Variants in NCOA2 observed in about 807,000 individuals in gnomAD.
NCOA2 encodes the protein nuclear receptor coactivator 2.
Under a neutral mutation model 145.1 loss-of-function variants are expected in NCOA2, and 21 were observed. That is an observed-to-expected ratio of 0.14 (90% CI 0.10 to 0.21). The LOEUF (loss-of-function observed/expected upper bound fraction) is 0.21, where lower values mean the gene tolerates loss of function less well. Among genes scored for constraint, NCOA2 ranks in the 10% least tolerant of loss-of-function variants. The pLI, the probability that NCOA2 is intolerant of heterozygous loss-of-function variation, is 1.00. For synonymous variants in NCOA2, 619 were observed against 637.5 expected (o/e 0.97, Z 0.44); for missense variants, 1,472 against 1,837.6 (o/e 0.80, Z 3.64).
At chr8:70,286,635 G>C (rs1563724225) in intron 2 of NCOA2, among the ~76,000 whole-genome samples, 1 of 152,102 alleles carries the variant, frequency 6.6e-6, no homozygotes, top group Non-Finnish European at 1.5e-5. Flanking sequence ...TAAAAGACAA[G>C]AGAAAAAGAA....
intron 2 of NCOA2, among the ~76,000 whole-genome samples, chr8:70,241,312 G>A (rs763480255): frequency 6.6e-6 from 1 of 152,068 alleles, no homozygotes; most frequent in Non-Finnish European, 1.5e-5. Flanking sequence ...TTAATCTCAT[G>A]GCAATTCATA....
intron 11 of NCOA2, among the ~76,000 whole-genome samples, chr8:70,155,225 C>G (rs1403846533): frequency 6.6e-6 from 1 of 152,168 alleles, no homozygotes; most frequent in Non-Finnish European, 1.5e-5. Flanking sequence ...TTTCTCCTTT[C>G]TACTATCCCT....
chr8:70,125,069 T>C (rs531216289), intron 19 of NCOA2, among the ~76,000 whole-genome samples: 1 of 152,250 alleles, frequency 6.6e-6, no homozygotes, highest in African/African-American at 2.4e-5. Flanking sequence ...CCATACTGAT[T>C]CCCCTTAGTA....
chr8:70,166,119 G>C (rs1275559767), intron 7 of NCOA2, among the ~76,000 whole-genome samples: 2 of 152,182 alleles, frequency 1.3e-5, no homozygotes, highest in African/African-American at 2.4e-5. Context: ...ACCGTGCCAG[G>C]AAAACTGTGC....
chr8:70,352,665 C>A (rs1039200143), intron 1 of NCOA2, among the ~76,000 whole-genome samples: 2 of 152,184 alleles, frequency 1.3e-5, no homozygotes, highest in African/African-American at 4.8e-5. Flanking sequence ...ACATTTCACA[C>A]CATGAACCAA....
chr8:70,228,430 A>C (rs1210979918), intron 2 of NCOA2, among the ~76,000 whole-genome samples: 1 of 152,228 alleles, frequency 6.6e-6, no homozygotes, highest in African/African-American at 2.4e-5. Context: ...GCAAGCTGCC[A>C]GTGGAGGGTT....
chr8:70,252,407 T>G (rs1363494525), intron 2 of NCOA2, among the ~76,000 whole-genome samples: 1 of 152,206 alleles, frequency 6.6e-6, no homozygotes. Context: ...AGACACTGTA[T>G]CTATTTTTAA....
intron 2 of NCOA2, among the ~76,000 whole-genome samples, chr8:70,286,720 G>C (rs1335616600): frequency 6.6e-6 from 1 of 152,114 alleles, no homozygotes; most frequent in Non-Finnish European, 1.5e-5. Context: ...GGTAAATACT[G>C]TTAATTATAT....
intron 2 of NCOA2, among the ~76,000 whole-genome samples, chr8:70,264,622 A>G (rs140256064): frequency 1.3e-3 from 201 of 152,350 alleles, no homozygotes; most frequent in African/African-American, 4.6e-3. Flanking sequence ...CAGTCTAGGG[A>G]TATTACCCTC....
chr8:70,364,603 C>T (rs992106989), intron 1 of NCOA2, among the ~76,000 whole-genome samples: 3 of 152,064 alleles, frequency 2.0e-5, no homozygotes, highest in Non-Finnish European at 2.9e-5. Context: ...GAAAGATGAA[C>T]ATGAGAATTC....
At chr8:70,369,560 T>C (rs1811025310) in intron 1 of NCOA2, among the ~76,000 whole-genome samples, 2 of 152,230 alleles carry the variant, frequency 1.3e-5, no homozygotes, top group Non-Finnish European at 2.9e-5. Flanking sequence ...CCTGGCAGCA[T>C]GAGGCAGCTT....
intron 2 of NCOA2, among the ~76,000 whole-genome samples, chr8:70,240,763 G>A (rs1314809468): frequency 6.6e-6 from 1 of 152,088 alleles, no homozygotes; most frequent in Non-Finnish European, 1.5e-5. Context: ...GTTATGTATT[G>A]ATCAGATGAC....
intron 6 of NCOA2, among the ~76,000 whole-genome samples, chr8:70,169,783 C>T (rs1465802913): frequency 6.6e-6 from 1 of 152,038 alleles, no homozygotes; most frequent in Non-Finnish European, 1.5e-5. Context: ...AAAAATACAA[C>T]AATCTTAATG....
chr8:70,315,631 A>C (rs572312807), intron 1 of NCOA2, among the ~76,000 whole-genome samples: 2 of 152,226 alleles, frequency 1.3e-5, no homozygotes, highest in African/African-American at 2.4e-5. Flanking sequence ...TGTGTTAACA[A>C]AGGGAAAAGG....
chr8:70,147,830 T>G (rs1012301059), intron 12 of NCOA2, among the ~76,000 whole-genome samples: 1 of 152,204 alleles, frequency 6.6e-6, no homozygotes, highest in Non-Finnish European at 1.5e-5. Context: ...AATTTATTTT[T>G]TGTTACTACC....
intron 4 of NCOA2, among the ~76,000 whole-genome samples, chr8:70,211,482 C>T (rs1819023186): frequency 1.3e-5 from 2 of 151,556 alleles, no homozygotes; most frequent in South Asian, 4.2e-4. Flanking sequence ...AAAGAAAAAA[C>T]AGCATCTTTC....
chr8:70,243,124 T>C (rs1356195106), intron 2 of NCOA2, among the ~76,000 whole-genome samples: 2 of 152,110 alleles, frequency 1.3e-5, no homozygotes, highest in East Asian at 1.9e-4. Context: ...GAAAATACTT[T>C]AAATTTGCAA....
At chr8:70,434,660 C>G in the NCOA2 span, among the ~76,000 whole-genome samples, 1 of 152,092 alleles carries the variant, frequency 6.6e-6, no homozygotes, top group Non-Finnish European at 1.5e-5. Context: ...CCTTGACCTT[C>G]GGGGCTCACG....
intron 2 of NCOA2, among the ~76,000 whole-genome samples, chr8:70,220,836 G>A (rs1026375354): frequency 3.9e-5 from 6 of 152,314 alleles, no homozygotes; most frequent in African/African-American, 1.2e-4. Flanking sequence ...AACAAGGCTT[G>A]TAAAACTGCC....
Sources: allele counts gnomAD v4.1 joint callset (sites outside exome capture counted in the v4.1 genomes callset), GRCh38; gene constraint gnomAD v4.1.1; transcripts MANE v1.5; gene names NCBI Gene and HGNC (gene_info 2026-07-23, HGNC 2026-07-21).